METTL15: variants seen among roughly 807,000 people sequenced by gnomAD.
METTL15 encodes the protein methyltransferase 15, mitochondrial 12S rRNA N4-cytidine.
METTL15 carries 34 observed loss-of-function variants against 38.3 expected under a neutral mutation model. The ratio of observed to expected loss-of-function variants is 0.89; its 90% CI spans 0.68 to 1.18. The LOEUF is 1.18. METTL15 is among the 50% of genes most tolerant of loss of function. METTL15 has a pLI of 0.00. For synonymous variants in METTL15, 162 were observed against 170.9 expected, an observed-to-expected ratio of 0.95 and a Z score of 0.41; for missense variants, 438 against 498.4, an observed-to-expected ratio of 0.88 and a Z score of 1.15.
intron 5 of METTL15, among the ~76,000 whole-genome samples, chr11:28,400,580 C>T (rs1850621495): frequency 6.6e-6 from 1 of 151,916 alleles, no homozygotes; most frequent in Non-Finnish European, 1.5e-5. Context: ...TGAGTTCCCC[C>T]CATCCCTCAC....
chr11:28,277,113 A>C (rs956859629), intron 4 of METTL15, among the ~76,000 whole-genome samples: 1 of 152,194 alleles, frequency 6.6e-6, no homozygotes, highest in African/African-American at 2.4e-5. Flanking sequence ...TGAAGAGACA[A>C]CCTATTGAAT....
At chr11:28,217,037 T>A (rs922969895) in intron 4 of METTL15, among the ~76,000 whole-genome samples, 4 of 152,066 alleles carry the variant, frequency 2.6e-5, no homozygotes, top group Admixed American at 1.3e-4. Context: ...TGCATGTGTC[T>A]TTATAGCAGC....
intron 4 of METTL15, among the ~76,000 whole-genome samples, chr11:28,289,914 T>G (rs1183790436): frequency 6.6e-6 from 1 of 152,184 alleles, no homozygotes; most frequent in African/African-American, 2.4e-5. Context: ...ATGAAAGACC[T>G]GGTTTGACAT....
rs561078360 is a variant in METTL15 at position 28,190,437 on chromosome 11, G to A, written c.271-20625G>A. Among the ~76,000 whole-genome samples the A allele has an allele frequency of 9.3e-5, 14 of 151,210 alleles. 1 individual carries two copies. In the East Asian group the frequency reaches 1.4e-3, roughly 15 times the overall value. ...GTTAAATGAGTTATTTCAAGACTACGTAACTCTATTAAGAGTGCAAAGAAG... is the reference window on the plus strand; with the variant it reads ...GTTAAATGAGTTATTTCAAGACTACATAACTCTATTAAGAGTGCAAAGAAG... On this transcript the variant is annotated intron_variant, in intron 3 of 6. Coordinates refer to ENST00000407364, the MANE Select transcript of METTL15 (RefSeq NM_001113528.2).
At chr11:28,295,914 A>C (rs1172478572) in intron 5 of METTL15, among the ~76,000 whole-genome samples, 1 of 152,188 alleles carries the variant, frequency 6.6e-6, no homozygotes, top group African/African-American at 2.4e-5. Flanking sequence ...TAACTGCACC[A>C]TTAGCAAAGC....
At chr11:28,438,956 C>T (rs960162332) in intron 6 of METTL15, among the ~76,000 whole-genome samples, 2 of 151,636 alleles carry the variant, frequency 1.3e-5, no homozygotes, top group Non-Finnish European at 2.9e-5. Context: ...GGATTACAAG[C>T]GTGAGCCACC....
At chr11:28,134,615 TG>T (rs1472414621) in intron 3 of METTL15, 1 of 398,390 alleles carries the variant, frequency 2.5e-6, no homozygotes, top group African/African-American at 2.1e-5. Context: ...GGCGCTGTTT[TG>T]GAAAAGCGGC....
intron 6 of METTL15, among the ~76,000 whole-genome samples, chr11:28,485,762 C>T (rs571025909): frequency 6.6e-6 from 1 of 152,166 alleles, no homozygotes; most frequent in Non-Finnish European, 1.5e-5. Context: ...GGGTGGCTTA[C>T]ACAACAGGTG....
At chr11:28,205,934 G>A (rs531463063) in intron 3 of METTL15, among the ~76,000 whole-genome samples, 32 of 148,810 alleles carry the variant, frequency 2.2e-4, no homozygotes, top group Middle Eastern at 6.9e-3. Flanking sequence ...CATGTCCTTC[G>A]CCCACTTTTT....
chr11:28,238,387 C>T (rs546232803), intron 4 of METTL15, among the ~76,000 whole-genome samples: 6 of 152,300 alleles, frequency 3.9e-5, no homozygotes, highest in East Asian at 3.9e-4. Context: ...AGCGAGACTC[C>T]GTGGGCTTAG....
chr11:28,300,639 C>T (rs1856881173), intron 6 of METTL15, among the ~76,000 whole-genome samples: 1 of 152,188 alleles, frequency 6.6e-6, no homozygotes, highest in African/African-American at 2.4e-5. Context: ...CAAGAGAATT[C>T]CAAAAACAAC....
At chr11:28,423,990 C>G (rs1000718237) in intron 5 of METTL15, among the ~76,000 whole-genome samples, 4 of 151,978 alleles carry the variant, frequency 2.6e-5, no homozygotes, top group Non-Finnish European at 5.9e-5. Context: ...CTATTATGTA[C>G]TCATAAAACT....
intron 6 of METTL15, among the ~76,000 whole-genome samples, chr11:28,513,640 C>T (rs943882765): frequency 6.6e-6 from 1 of 152,182 alleles, no homozygotes; most frequent in African/African-American, 2.4e-5. Context: ...GATTTACCCA[C>T]CTATTTATTA....
intron 6 of METTL15, among the ~76,000 whole-genome samples, chr11:28,480,608 C>G (rs947054906): frequency 2.0e-5 from 3 of 152,110 alleles, no homozygotes; most frequent in African/African-American, 7.2e-5. Context: ...TAGCGGTGAC[C>G]CTGGCTTTTA....
At chr11:28,358,434 C>T (rs1203628809) in intron 4 of METTL15, among the ~76,000 whole-genome samples, 1 of 152,072 alleles carries the variant, frequency 6.6e-6, no homozygotes, top group Admixed American at 6.6e-5. Flanking sequence ...TGTAACTTTC[C>T]CTGAAGCACA....
downstream of METTL15, among the ~76,000 whole-genome samples, chr11:28,528,084 C>T (rs922445734): frequency 1.1e-4 from 17 of 152,186 alleles, no homozygotes; most frequent in Admixed American, 9.8e-4. Context: ...TTCCCATTCT[C>T]TGCCTATATT....
At chr11:28,204,230 A>G (rs1207604512) in intron 3 of METTL15, among the ~76,000 whole-genome samples, 4 of 152,070 alleles carry the variant, frequency 2.6e-5, no homozygotes, top group Middle Eastern at 3.4e-3. Flanking sequence ...TTTCTACTTT[A>G]ATTCACTTTC....
intron 4 of METTL15, among the ~76,000 whole-genome samples, chr11:28,353,625 G>GT (rs1324811977): frequency 6.6e-6 from 1 of 152,138 alleles, no homozygotes; most frequent in Non-Finnish European, 1.5e-5. Context: ...TCATAAGTAT[G>GT]TAAGTGTAAT....
chr11:28,313,220 A>G (rs1012276400), intron 6 of METTL15, among the ~76,000 whole-genome samples: 3 of 152,136 alleles, frequency 2.0e-5, no homozygotes, highest in Non-Finnish European at 1.5e-5. Flanking sequence ...ATGATTAGAA[A>G]TTACCTTTTA....
Sources: gnomAD v4.1 joint callset for allele counts (sites outside exome capture counted in the v4.1 genomes callset) on GRCh38, gnomAD v4.1.1 for gene constraint, MANE v1.5 for transcripts, NCBI Gene and HGNC (gene_info 2026-07-23, HGNC 2026-07-21) for gene names.